KRT73: variants seen among roughly 807,000 people sequenced by gnomAD.
KRT73 encodes keratin, type II cytoskeletal 73.
A neutral mutation model predicts 47.2 loss-of-function variants in KRT73; 44 were observed. The ratio of observed to expected loss-of-function variants is 0.93; its 90% CI spans 0.73 to 1.20. KRT73 has a LOEUF of 1.20. Among genes scored for constraint, KRT73 ranks in the 50% most tolerant of loss-of-function variants. KRT73 has a pLI of 0.00. For missense variants in KRT73, 713 were observed against 704.5 expected (o/e 1.01, Z -0.14); for synonymous variants, 285 against 291.3 (o/e 0.98, Z 0.22).
chr12:52,608,881 G>A (rs1289867659), intron 8 of KRT73, among the ~76,000 whole-genome samples: 1 of 152,192 alleles, frequency 6.6e-6, no homozygotes, highest in Non-Finnish European at 1.5e-5. Flanking sequence ...GGCTTGCACA[G>A]TGGTCCACAC....
At chr12:52,613,999 G>A in intron 4 of KRT73, 147 bp from the exon 5 acceptor site, 1 of 1,248,850 alleles carries the variant, frequency 8.0e-7, no homozygotes, top group East Asian at 2.4e-5. Flanking sequence ...AGAGCTCACA[G>A]CCCAGAGGTT....
upstream of KRT73, among the ~76,000 whole-genome samples, chr12:52,623,463 A>G (rs528525709): frequency 2.6e-5 from 4 of 152,340 alleles, no homozygotes; most frequent in South Asian, 8.3e-4. Context: ...GCCTACCCTA[A>G]AAGAATGGCT....
chr12:52,613,993 C>G (rs1428261926), intron 4 of KRT73, 141 bp from the exon 5 acceptor site: 2 of 1,316,708 alleles, frequency 1.5e-6, no homozygotes, highest in African/African-American at 1.5e-5. Flanking sequence ...AAGAACAGAG[C>G]TCACAGCCCA....
At chr12:52,616,791 G>A (rs1207879153) in intron 1 of KRT73, among the ~76,000 whole-genome samples, 1 of 152,106 alleles carries the variant, frequency 6.6e-6, no homozygotes, top group Non-Finnish European at 1.5e-5. Flanking sequence ...GGTGGCCCGT[G>A]CTCTGCCTAG....
In KRT73 at chr12:52,618,340, G is replaced by A; in HGVS notation, c.185C>T (p.Ala62Val). The change falls in exon 1 of 9, where the codon GCC becomes GTC. Residue 62 changes from alanine to valine, a missense_variant. Physicochemically the swap from Ala to Val is moderately conservative, Grantham distance 64. Coordinates refer to ENST00000305748, the MANE Select transcript of KRT73 (RefSeq NM_175068.3). Reference protein sequence around the residue: ...GGARSISFNVASGSGWAGGYG... With the variant: ...GGARSISFNVVSGSGWAGGYG... ...GCCTCCTGCCCACCCACTGCCACTG[G>A]CCACATTGAAAGAGATGCTCCGGGC... is the stretch of plus-strand genomic sequence containing the variant. 6.2e-7 allele frequency: 1 copy of A among 1,614,154 alleles called. No homozygotes were observed. The highest frequency in any genetic ancestry group is 8.5e-7 in the Non-Finnish European group (1 of 1,180,028).
chr12:52,619,233 G>A (rs137896088), upstream of KRT73, among the ~76,000 whole-genome samples: 185 of 152,226 alleles, frequency 1.2e-3, no homozygotes, highest in African/African-American at 4.2e-3. Context: ...CCTGACTCTT[G>A]ACCTTGAAAT....
chr12:52,615,401 T>G, intron 2 of KRT73, 62 bp from the exon 3 acceptor site: 1 of 1,355,258 alleles, frequency 7.4e-7, no homozygotes, highest in South Asian at 1.2e-5. Flanking sequence ...TACGTTCTCA[T>G]AGTGAAATGA....
rs111776200 is a variant in KRT73, at chr12:52,610,959, C to T, written c.1111-124G>A. 5 of 951,740 alleles carry T rather than the reference C, an allele frequency of 5.3e-6. No individual in the cohort carries two copies. The African/African-American group carries it at 8.1e-5, about 15-fold the overall frequency. The allele number at this position is 951,740 out of a possible 1,614,324, so 59.0% of individuals were successfully genotyped here. On this transcript the variant is annotated intron_variant, in intron 6 of 8. Transcript: ENST00000305748. The stretch of plus-strand genomic sequence containing the variant: ...ATGTCCTGGAGCAGAGACCCAGCCA[C>T]ATCCAGGTGGAGTCCTGTCAACCTG...
chr12:52,621,529 T>A (rs577650456), upstream of KRT73, among the ~76,000 whole-genome samples: 41 of 152,280 alleles, frequency 2.7e-4, no homozygotes, highest in African/African-American at 9.1e-4. Context: ...ATGATGATTA[T>A]TTCTCTAGGT....
intron 5 of KRT73, among the ~76,000 whole-genome samples, chr12:52,612,015 T>C (rs1255756498): frequency 6.6e-6 from 1 of 152,216 alleles, no homozygotes; most frequent in Non-Finnish European, 1.5e-5. Flanking sequence ...AATGAATGGA[T>C]GACAGAGACT....
At chr12:52,608,510 A>G (rs1592240788) in intron 8 of KRT73, 58 bp from the exon 9 acceptor site, 1 of 1,473,698 alleles carries the variant, frequency 6.8e-7, no homozygotes, top group African/African-American at 1.4e-5. Flanking sequence ...GGTGGCCTTA[A>G]GTCCCCCTCC....
chr12:52,612,070 T>C (rs890113536), intron 5 of KRT73, among the ~76,000 whole-genome samples: 3 of 152,206 alleles, frequency 2.0e-5, no homozygotes, highest in Non-Finnish European at 2.9e-5. Context: ...TAGTGCCTAG[T>C]TGGTGCTCAA....
the KRT73 span, among the ~76,000 whole-genome samples, chr12:52,628,854 TG>T: frequency 3.9e-5 from 6 of 151,918 alleles, no homozygotes; most frequent in Non-Finnish European, 7.4e-5. Flanking sequence ...GACAAAAAGG[TG>T]GGGGTAGAGC....
In KRT73 at chr12:52,611,216, ACT is replaced by A. The variant is rs1290046396; in HGVS notation, c.1096_1097del (p.Ser366CysfsTer14). ...CAGTCCCCTTCACCTGCTTCTTCAC[ACT>A]CTCAATCTCCGAGCGCAGTCTTTGG... ...LIQRLRSEIE[S>X]VKKQCANLET... On this transcript the variant is annotated frameshift_variant, in exon 6 of 9. Coordinates refer to ENST00000305748, the MANE Select transcript of KRT73 (RefSeq NM_175068.3). LOFTEE classifies it high-confidence loss of function. 1 of 1,613,782 alleles carries A rather than the reference ACT, an allele frequency of 6.2e-7. No individual in the cohort carries two copies.
At position 52,615,734 on chromosome 12, in the gene KRT73, A is replaced by G. The variant is rs1233170246; in HGVS notation, c.663-395T>C. 1.1e-4 allele frequency among the ~76,000 whole-genome samples: 17 copies of G among 152,198 alleles called. 1 individual carries two copies. ...CAGGGGTCCCAAGGAAGCCAGAACTATCTCCCAGGGGAGAAAGAAGGCACA... is the reference window on the plus strand; with the variant it reads ...CAGGGGTCCCAAGGAAGCCAGAACTGTCTCCCAGGGGAGAAAGAAGGCACA... On this transcript the variant is annotated intron_variant, in intron 2 of 8. Transcript: ENST00000305748.
In KRT73 at chr12:52,611,551, T is replaced by G. The variant is rs910810445; in HGVS notation, c.985-222A>C. On this transcript the variant is annotated intron_variant, in intron 5 of 8. Transcript: ENST00000305748. ...GATGGTTAGAATTGGCCATAAGGAC[T>G]GTTGAATGTCCCAGACTCTCCATAT... 8 of 561,534 alleles carry G rather than the reference T, an allele frequency of 1.4e-5. No individual in the cohort carries two copies. In the African/African-American group the frequency reaches 1.5e-4, roughly 11 times the overall value. 34.8% of individuals were successfully genotyped at this position (561,534 alleles called of 1,614,324 possible).
At chr12:52,610,451 A>G in intron 7 of KRT73, 164 bp downstream of exon 7, 1 of 708,164 alleles carries the variant, frequency 1.4e-6, no homozygotes, top group South Asian at 1.8e-5. Context: ...ACTGTAAAGG[A>G]AATTGCTGTC....
the KRT73 span, among the ~76,000 whole-genome samples, chr12:52,630,351 T>C: frequency 0.021 from 3,263 of 152,342 alleles, 240 homozygotes; most frequent in Admixed American, 0.15. Context: ...CAGGGCCACC[T>C]TGATGCTCAT....
At chr12:52,610,518 G>A (rs1021463865) in intron 7 of KRT73, 97 bp downstream of exon 7, 11 of 480,276 alleles carry the variant, frequency 2.3e-5, no homozygotes, top group African/African-American at 7.9e-5. Flanking sequence ...TAAACACATC[G>A]CCAGCTCGCC....
Sources: gnomAD v4.1 joint callset for allele counts (sites outside exome capture counted in the v4.1 genomes callset) on GRCh38, gnomAD v4.1.1 for gene constraint, MANE v1.5 for transcripts, NCBI Gene and HGNC (gene_info 2026-07-23, HGNC 2026-07-21) for gene names.